FOXP2: variants seen among roughly 807,000 people sequenced by gnomAD.
FOXP2 encodes the protein forkhead box protein P2.
Under a neutral mutation model 115.8 loss-of-function variants are expected in FOXP2, and 12 were observed. The ratio of observed to expected loss-of-function variants is 0.10; its 90% CI spans 0.07 to 0.17. The LOEUF is 0.17. FOXP2 is among the 10% of genes least tolerant of loss of function. FOXP2 has a pLI of 1.00. For missense variants in FOXP2, 629 were observed against 843.5 expected (o/e 0.75, Z 3.15); for synonymous variants, 328 against 297.7 (o/e 1.10, Z -1.05).
At chr7:114,491,326 G>A (rs544724357) in intron 2 of FOXP2, among the ~76,000 whole-genome samples, 12 of 152,060 alleles carry the variant, frequency 7.9e-5, no homozygotes, top group East Asian at 3.9e-4. Flanking sequence ...GTCTGTTCAT[G>A]TCCTTCACCC....
At chr7:114,469,961 T>C (rs1795976964) in intron 2 of FOXP2, among the ~76,000 whole-genome samples, 1 of 152,180 alleles carries the variant, frequency 6.6e-6, no homozygotes, top group Non-Finnish European at 1.5e-5. Context: ...ATAGTCCATA[T>C]TGTTCTTAAT....
chr7:114,132,678 T>C (rs1183935444), intron 1 of FOXP2, among the ~76,000 whole-genome samples: 1 of 149,386 alleles, frequency 6.7e-6, no homozygotes, highest in Non-Finnish European at 1.5e-5. Flanking sequence ...AAGGTGATAC[T>C]TGTGCAAAGA....
At chr7:114,609,010 G>A (rs1041332512) in intron 3 of FOXP2, among the ~76,000 whole-genome samples, 1 of 151,894 alleles carries the variant, frequency 6.6e-6, no homozygotes, top group African/African-American at 2.4e-5. Flanking sequence ...ACCAGCCTGA[G>A]CAACATGACG....
At chr7:114,333,578 C>T (rs1160343195) in intron 2 of FOXP2, among the ~76,000 whole-genome samples, 1 of 152,162 alleles carries the variant, frequency 6.6e-6, no homozygotes, top group Non-Finnish European at 1.5e-5. Flanking sequence ...AATGGTGAAA[C>T]CCCATCTCTA....
At chr7:114,363,590 A>G (rs557309310) in intron 2 of FOXP2, among the ~76,000 whole-genome samples, 51 of 152,300 alleles carry the variant, frequency 3.3e-4, no homozygotes, top group African/African-American at 1.2e-3. Flanking sequence ...TATAGAACCA[A>G]GAGGGGGTGG....
chr7:114,356,306 G>A (rs929643829), intron 2 of FOXP2, among the ~76,000 whole-genome samples: 3 of 152,252 alleles, frequency 2.0e-5, no homozygotes, highest in Middle Eastern at 3.4e-3. Context: ...GGTTAGTCTA[G>A]TGACTAATCT....
intron 1 of FOXP2, among the ~76,000 whole-genome samples, chr7:114,091,185 A>C (rs1799535614): frequency 6.6e-6 from 1 of 151,750 alleles, no homozygotes; most frequent in Admixed American, 6.6e-5. Flanking sequence ...TTCCTGCCCT[A>C]AATTTCCCAG....
At chr7:114,523,946 T>C (rs1478086705) in intron 2 of FOXP2, among the ~76,000 whole-genome samples, 3 of 152,212 alleles carry the variant, frequency 2.0e-5, no homozygotes, top group African/African-American at 7.2e-5. Context: ...ACAATCTTGT[T>C]ACCTTGGTTA....
intron 3 of FOXP2, chr7:114,560,882 T>TA (rs1251981292): frequency 1.3e-5 from 2 of 152,160 alleles, no homozygotes; most frequent in African/African-American, 4.8e-5. Context: ...CAGAGATCTT[T>TA]AAAAAATAAT....
At chr7:114,475,898 C>T (rs1424663862) in intron 2 of FOXP2, among the ~76,000 whole-genome samples, 1 of 151,896 alleles carries the variant, frequency 6.6e-6, no homozygotes, top group Non-Finnish European at 1.5e-5. Context: ...AATTAATAGT[C>T]AAAAACATCT....
chr7:114,272,629 T>C (rs1310639343), intron 1 of FOXP2, among the ~76,000 whole-genome samples: 1 of 151,938 alleles, frequency 6.6e-6, no homozygotes, highest in African/African-American at 2.4e-5. Flanking sequence ...TTTCAAACTT[T>C]CATCCATTAG....
Position 114,192,495 on chromosome 7 carries a change from T to C in FOXP2, c.-102+29407T>C, listed in dbSNP as rs577672870. On this transcript the variant is annotated intron_variant, in intron 1 of 17. Coordinates refer to the FOXP2 transcript ENST00000634411. ...GTTTATGTCAGTTCATTTGGATAAA[T>C]ACCTAGAGAGCAATTTTCAGGTTGT... Among the ~76,000 whole-genome samples, 4 of 152,292 alleles carry C rather than the reference T, an allele frequency of 2.6e-5. No homozygotes were observed. The East Asian group carries it at 7.7e-4, about 29-fold the overall frequency.
At chr7:114,624,522 G>A (rs911416663) in intron 3 of FOXP2, among the ~76,000 whole-genome samples, 39 of 151,900 alleles carry the variant, frequency 2.6e-4, no homozygotes, top group African/African-American at 9.4e-4. Context: ...ACACATAATT[G>A]GGATGTTTAA....
At chr7:114,256,714 G>A (rs1795622603) in intron 1 of FOXP2, among the ~76,000 whole-genome samples, 4 of 152,002 alleles carry the variant, frequency 2.6e-5, no homozygotes, top group South Asian at 4.1e-4. Flanking sequence ...AATTAGATCC[G>A]ATTTGTCAAT....
chr7:114,442,595 C>A (rs1794654786), intron 2 of FOXP2, among the ~76,000 whole-genome samples: 1 of 151,996 alleles, frequency 6.6e-6, no homozygotes, highest in Non-Finnish European at 1.5e-5. Context: ...GTAGCTGGGA[C>A]TACAGGCACA....
At chr7:114,582,519 A>G (rs367842628) in intron 3 of FOXP2, among the ~76,000 whole-genome samples, 7 of 152,324 alleles carry the variant, frequency 4.6e-5, no homozygotes, top group African/African-American at 1.7e-4. Context: ...TAAGAGAATA[A>G]CTGCTCATTA....
intron 3 of FOXP2, among the ~76,000 whole-genome samples, chr7:114,568,688 C>T (rs1801142254): frequency 6.6e-6 from 1 of 151,664 alleles, no homozygotes; most frequent in Non-Finnish European, 1.5e-5. Flanking sequence ...TAATGAAATC[C>T]TTCTAATATT....
intron 1 of FOXP2, among the ~76,000 whole-genome samples, chr7:114,117,180 A>C (rs932587672): frequency 1.3e-5 from 2 of 151,446 alleles, no homozygotes; most frequent in Non-Finnish European, 2.9e-5. Context: ...GTAATGATGA[A>C]TGCTTTAGGA....
chr7:114,426,351 G>A, intron 1 of FOXP2, 151 bp from the exon 2 acceptor site: 1 of 703,196 alleles, frequency 1.4e-6, no homozygotes. Context: ...AGCTGAATTT[G>A]TATTGCTTTC....
Sources: gnomAD v4.1 joint callset for allele counts (sites outside exome capture counted in the v4.1 genomes callset) on GRCh38, gnomAD v4.1.1 for gene constraint, MANE v1.5 for transcripts, NCBI Gene and HGNC (gene_info 2026-07-23, HGNC 2026-07-21) for gene names.